Variants in CDNF observed in about 807,000 individuals in gnomAD.
CDNF encodes cerebral dopamine neurotrophic factor.
In CDNF, 9 loss-of-function variants were observed where a neutral mutation model predicts 14.8. The observed-to-expected ratio is 0.61, with a 90% CI of 0.37 to 1.06. The LOEUF (loss-of-function observed/expected upper bound fraction) is 1.06, where lower values mean the gene tolerates loss of function less well. Ranked by LOEUF, CDNF falls within the 50% of genes least tolerant of loss-of-function variation. The probability of loss-of-function intolerance (pLI) is 0.01; values close to 1 mark genes in which losing one functional copy is unlikely to be tolerated. For synonymous variants in CDNF, 86 were observed against 87.2 expected (o/e 0.99, Z 0.07); for missense variants, 228 against 228.4 (o/e 1.00, Z 0.01).
chr10:14,824,310 A>T (rs1274700310), intron 3 of CDNF, among the ~76,000 whole-genome samples: 2 of 152,218 alleles, frequency 1.3e-5, no homozygotes, highest in Non-Finnish European at 2.9e-5. Context: ...ACATTTTAAA[A>T]TAGGACATCT....
intron 2 of CDNF, among the ~76,000 whole-genome samples, chr10:14,826,002 A>C (rs1266390671): frequency 8.9e-5 from 12 of 134,650 alleles, no homozygotes; most frequent in African/African-American, 4.1e-4. Flanking sequence ...GAAGCAGCAG[A>C]AGAAGCAGAA....
intron 1 of CDNF, chr10:14,834,268 A>G (rs1833868893): frequency 6.6e-6 from 1 of 152,046 alleles, no homozygotes; most frequent in African/African-American, 2.4e-5. Context: ...TTGAGCCTGG[A>G]AGACGGAAGT....
chr10:14,837,778 T>G (rs1439572369), intron 1 of CDNF, 54 bp downstream of exon 1: 6 of 1,120,146 alleles, frequency 5.4e-6, no homozygotes, highest in African/African-American at 3.1e-5. Context: ...AGCCGACAGC[T>G]GCTGCGCCGC....
intron 2 of CDNF, among the ~76,000 whole-genome samples, chr10:14,825,973 A>C (rs1018213179): frequency 6.6e-6 from 1 of 151,402 alleles, no homozygotes; most frequent in South Asian, 2.1e-4. Context: ...GAAGAAGAAA[A>C]GAAGAAGAAG....
chr10:14,826,805 C>G (rs1833800459), intron 2 of CDNF, among the ~76,000 whole-genome samples: 1 of 152,194 alleles, frequency 6.6e-6, no homozygotes, highest in Non-Finnish European at 1.5e-5. Context: ...GTCCCCAGAT[C>G]TAGCAATAGA....
At chr10:14,820,869 G>T (rs1365442162) in intron 3 of CDNF, among the ~76,000 whole-genome samples, 1 of 152,188 alleles carries the variant, frequency 6.6e-6, no homozygotes, top group Admixed American at 6.5e-5. Context: ...ATTGGATCAT[G>T]GGGGTGGACT....
At chr10:14,826,150 A>G (rs1230480541) in intron 2 of CDNF, among the ~76,000 whole-genome samples, 4 of 148,932 alleles carry the variant, frequency 2.7e-5, no homozygotes. Context: ...AAGGAGAAGG[A>G]GAAGAAGAAG....
intron 2 of CDNF, among the ~76,000 whole-genome samples, chr10:14,827,532 A>G (rs561615430): frequency 7.6e-4 from 116 of 152,328 alleles, no homozygotes; most frequent in African/African-American, 2.7e-3. Context: ...TAAGAAATGG[A>G]AAGCCCACCC....
At chr10:14,821,068 G>C (rs1483061935) in intron 3 of CDNF, among the ~76,000 whole-genome samples, 1 of 152,076 alleles carries the variant, frequency 6.6e-6, no homozygotes, top group African/African-American at 2.4e-5. Context: ...ACAGCCTGTG[G>C]AGCTGTGAGC....
At chr10:14,834,034 T>C (rs773474717) in intron 1 of CDNF, among the ~76,000 whole-genome samples, 3 of 152,126 alleles carry the variant, frequency 2.0e-5, no homozygotes, top group Non-Finnish European at 4.4e-5. Flanking sequence ...TGATTAATGC[T>C]ACAAGTCAGC....
chr10:14,828,852 A>C (rs990475718), intron 1 of CDNF, among the ~76,000 whole-genome samples: 1 of 151,610 alleles, frequency 6.6e-6, no homozygotes, highest in Non-Finnish European at 1.5e-5. Flanking sequence ...CTAAAAAAAA[A>C]ACACAAAAAA....
At chr10:14,823,656 T>C (rs1190943133) in intron 3 of CDNF, among the ~76,000 whole-genome samples, 1 of 152,132 alleles carries the variant, frequency 6.6e-6, no homozygotes, top group Non-Finnish European at 1.5e-5. Context: ...GTCTCCTGAG[T>C]AGTTAGGACT....
intron 1 of CDNF, among the ~76,000 whole-genome samples, chr10:14,832,852 CTTT>C (rs918887413): frequency 7.0e-4 from 56 of 80,496 alleles, no homozygotes; most frequent in African/African-American, 2.8e-3. Flanking sequence ...TCTTTTTTTG[CTTT>C]TTTTTTTTTT....
In CDNF at chr10:14,819,824, A is replaced by C; in HGVS notation, c.*156T>G. 1.4e-6 allele frequency: 1 copy of C among 725,936 alleles called. No homozygotes were observed. The highest frequency in any genetic ancestry group is 2.3e-6 in the Non-Finnish European group (1 of 441,870). The allele number at this position is 725,936 out of a possible 1,614,324, so 45.0% of individuals were successfully genotyped here. ...GTTATCAGTAGTATTAGTTTCACTC[A>C]TAAACCCACGTAACAAAATTCTGAG... On this transcript the variant is annotated 3_prime_UTR_variant, in exon 4 of 4. Transcript: ENST00000465530.
intron 1 of CDNF, among the ~76,000 whole-genome samples, chr10:14,829,637 T>C (rs981478036): frequency 6.6e-6 from 1 of 152,172 alleles, no homozygotes; most frequent in Non-Finnish European, 1.5e-5. Flanking sequence ...TGTTTGTTTG[T>C]TTGTTTTTTA....
intron 3 of CDNF, among the ~76,000 whole-genome samples, chr10:14,822,729 G>T (rs1833747645): frequency 6.6e-6 from 1 of 152,128 alleles, no homozygotes; most frequent in Non-Finnish European, 1.5e-5. Flanking sequence ...TTACCTCTGA[G>T]TAGTAGAACA....
At chr10:14,826,599 C>T (rs575044434) in intron 2 of CDNF, among the ~76,000 whole-genome samples, 4 of 152,310 alleles carry the variant, frequency 2.6e-5, no homozygotes, top group South Asian at 2.1e-4. Flanking sequence ...ACTCCATTCT[C>T]GTGATCATCC....
intron 1 of CDNF, among the ~76,000 whole-genome samples, chr10:14,835,635 T>G (rs1480463226): frequency 1.3e-5 from 2 of 152,206 alleles, no homozygotes; most frequent in African/African-American, 4.8e-5. Flanking sequence ...CTTTTATGTT[T>G]ATTAAAGATA....
chr10:14,828,930 TGGGA>T (rs1833821613), intron 1 of CDNF, among the ~76,000 whole-genome samples: 1 of 150,888 alleles, frequency 6.6e-6, no homozygotes, highest in African/African-American at 2.4e-5. Context: ...GAGGCTGAGG[TGGGA>T]GGGTCACTTA....
Sources: gnomAD v4.1 joint callset for allele counts (sites outside exome capture counted in the v4.1 genomes callset) on GRCh38, gnomAD v4.1.1 for gene constraint, MANE v1.5 for transcripts, NCBI Gene and HGNC (gene_info 2026-07-23, HGNC 2026-07-21) for gene names.